PPIL3: variants seen among roughly 807,000 people sequenced by gnomAD.
PPIL3 encodes peptidylprolyl isomerase like 3, also known as peptidyl-prolyl cis-trans isomerase-like 3.
In PPIL3, 13 loss-of-function variants were observed where a neutral mutation model predicts 20.9. The ratio of observed to expected loss-of-function variants is 0.62; its 90% CI spans 0.40 to 0.99. The LOEUF (loss-of-function observed/expected upper bound fraction) is 0.99. PPIL3 is among the 50% of genes least tolerant of loss of function. The pLI is 0.00. For missense variants in PPIL3, 170 were observed against 195.2 expected (o/e 0.87, Z 0.77); for synonymous variants, 71 against 64.4 (o/e 1.10, Z -0.49).
chr2:200,875,344 T>C (rs2039469279), intron 6 of PPIL3, among the ~76,000 whole-genome samples: 1 of 152,016 alleles, frequency 6.6e-6, no homozygotes, highest in South Asian at 2.1e-4. Flanking sequence ...CTTGGCTCAC[T>C]GCAATCTCCA....
At chr2:200,888,526 T>C (rs555505303) in intron 1 of PPIL3, 1 of 192,318 alleles carries the variant, frequency 5.2e-6, no homozygotes, top group East Asian at 1.4e-4. Context: ...CTTCTCTTTT[T>C]TTTTCATTTT....
intron 6 of PPIL3, among the ~76,000 whole-genome samples, chr2:200,875,304 T>C (rs1416489887): frequency 6.6e-6 from 1 of 152,094 alleles, no homozygotes. Flanking sequence ...AGTCTCGCTT[T>C]GTCACCAGGC....
At chr2:200,880,757 A>G (rs1335779199) in intron 5 of PPIL3, among the ~76,000 whole-genome samples, 1 of 152,036 alleles carries the variant, frequency 6.6e-6, no homozygotes, top group Admixed American at 6.6e-5. Flanking sequence ...CCACATAATA[A>G]GTCATCAACT....
chr2:200,883,292 AATC>A (rs1204850299), intron 3 of PPIL3, among the ~76,000 whole-genome samples: 1 of 151,584 alleles, frequency 6.6e-6, no homozygotes, highest in African/African-American at 2.4e-5. Context: ...ACCTTTTCTG[AATC>A]TGAATACCTG....
At chr2:200,887,877 C>T (rs1029287441) in intron 1 of PPIL3, among the ~76,000 whole-genome samples, 192 bp from the exon 2 acceptor site, 1 of 151,642 alleles carries the variant, frequency 6.6e-6, no homozygotes, top group African/African-American at 2.4e-5. Flanking sequence ...GCCAACATGG[C>T]GAAACCCCGT....
chr2:200,873,195 C>CT lies in PPIL3; in HGVS notation c.360-1675dup, dbSNP rs533187117. On this transcript the variant is annotated intron_variant, in intron 6 of 6. Transcript: ENST00000392283. ...AATTGTTTAATTATAGTATTTCTTTCTTTTTTTTTTTTTTTGAGATGGAGT... is the reference window on the plus strand; with the variant it reads ...AATTGTTTAATTATAGTATTTCTTTCTTTTTTTTTTTTTTTTGAGATGGAGT... 2.9e-3 allele frequency among the ~76,000 whole-genome samples: 406 copies of CT among 140,698 alleles called. 4 individuals carry two copies. Among genetic ancestry groups the CT allele is most frequent in the African/African-American group, 4.9e-3 (188 of 38,256 alleles). 92.3% of individuals were successfully genotyped at this position (140,698 alleles called of 152,430 possible).
intron 6 of PPIL3, among the ~76,000 whole-genome samples, chr2:200,872,055 G>T (rs946987308): frequency 6.6e-6 from 1 of 152,070 alleles, no homozygotes; most frequent in Non-Finnish European, 1.5e-5. Context: ...CAGAGACCCC[G>T]GTTAATCCCA....
At chr2:200,889,091 G>C (rs1392361157), upstream of PPIL3, 5 of 469,808 alleles carry the variant, frequency 1.1e-5, no homozygotes, top group East Asian at 2.8e-4. Flanking sequence ...ACCCAAGAGA[G>C]AGAACGCCCC....
chr2:200,875,872 T>C (rs1264263309), intron 6 of PPIL3, among the ~76,000 whole-genome samples: 1 of 152,158 alleles, frequency 6.6e-6, no homozygotes, highest in Non-Finnish European at 1.5e-5. Context: ...GTTCTGTTAA[T>C]TAAAAAAGGT....
chr2:200,881,398 T>G (rs761897320), intron 5 of PPIL3, 23 bp downstream of exon 5: 1 of 1,587,846 alleles, frequency 6.3e-7, no homozygotes, highest in Non-Finnish European at 8.6e-7. Flanking sequence ...GAGAAATAGA[T>G]TTTTAAAGCA....
At chr2:200,877,869 C>T (rs576764333) in intron 5 of PPIL3, among the ~76,000 whole-genome samples, 1 of 152,242 alleles carries the variant, frequency 6.6e-6, no homozygotes, top group East Asian at 1.9e-4. Flanking sequence ...AAAGGTCTCA[C>T]CTAGCTCTAC....
chr2:200,876,793 G>T, intron 6 of PPIL3, 126 bp downstream of exon 6: 1 of 752,282 alleles, frequency 1.3e-6, no homozygotes, highest in Non-Finnish European at 2.3e-6. Flanking sequence ...AAAGTGCTGG[G>T]ATTACAGGTG....
intron 5 of PPIL3, among the ~76,000 whole-genome samples, chr2:200,879,150 G>C (rs968454953): frequency 6.6e-6 from 1 of 151,150 alleles, no homozygotes; most frequent in Non-Finnish European, 1.5e-5. Context: ...ACGGAGTCTC[G>C]CTCTGTCGCC....
chr2:200,875,488 G>T (rs1012636080), intron 6 of PPIL3, among the ~76,000 whole-genome samples: 1 of 151,962 alleles, frequency 6.6e-6, no homozygotes, highest in South Asian at 2.1e-4. Flanking sequence ...GGATGGTCTT[G>T]ATCTCCTGAC....
intron 4 of PPIL3, chr2:200,881,822 A>C (rs1378942093): frequency 3.6e-6 from 1 of 274,388 alleles, no homozygotes; most frequent in African/African-American, 2.2e-5. Context: ...AAGTGAGCAC[A>C]ATATTGTTCA....
At chr2:200,874,204 CAAAAAAAAA>C (rs767177492) in intron 6 of PPIL3, among the ~76,000 whole-genome samples, 1 of 65,598 alleles carries the variant, frequency 1.5e-5, no homozygotes, top group Non-Finnish European at 3.2e-5. Flanking sequence ...GACTCTGTCT[CAAAAAAAAA>C]AAAAAAAAAA....
At chr2:200,878,756 T>A (rs905379643) in intron 5 of PPIL3, among the ~76,000 whole-genome samples, 1 of 152,166 alleles carries the variant, frequency 6.6e-6, no homozygotes, top group African/African-American at 2.4e-5. Flanking sequence ...TATAATTACA[T>A]CGTAACATTT....
At chr2:200,876,516 CA>C (rs1377829625) in intron 6 of PPIL3, among the ~76,000 whole-genome samples, 3 of 148,032 alleles carry the variant, frequency 2.0e-5, no homozygotes, top group African/African-American at 7.4e-5. Context: ...CTTTTCTTTT[CA>C]TTTTTTTTTT....
chr2:200,879,181 C>T (rs1017609728), intron 5 of PPIL3, among the ~76,000 whole-genome samples: 40 of 152,028 alleles, frequency 2.6e-4, no homozygotes, highest in African/African-American at 6.8e-4. Context: ...TGCAGCAGCA[C>T]GATCTCGGCT....
Sources: allele counts gnomAD v4.1 joint callset (sites outside exome capture counted in the v4.1 genomes callset), GRCh38; gene constraint gnomAD v4.1.1; transcripts MANE v1.5; gene names NCBI Gene and HGNC (gene_info 2026-07-23, HGNC 2026-07-21).